Variants in ZNF407 observed in about 807,000 individuals in gnomAD.
ZNF407 encodes the protein zinc finger protein 407.
Under a neutral mutation model 131.2 loss-of-function variants are expected in ZNF407, and 17 were observed. That is an observed-to-expected ratio of 0.13 (90% CI 0.09 to 0.19). ZNF407 has a LOEUF of 0.19. Among genes scored for constraint, ZNF407 ranks in the 10% least tolerant of loss-of-function variants. ZNF407 has a pLI of 1.00. For synonymous variants in ZNF407, 1,156 were observed against 1,062.0 expected (o/e 1.09, Z -1.72); for missense variants, 2,681 against 2,830.6 (o/e 0.95, Z 1.20).
chr18:74,955,404 G>A (rs1464777554), intron 8 of ZNF407, among the ~76,000 whole-genome samples: 1 of 152,146 alleles, frequency 6.6e-6, no homozygotes, highest in Non-Finnish European at 1.5e-5. Context: ...CAAAGGAAAA[G>A]TTGCAAACCC....
intron 8 of ZNF407, among the ~76,000 whole-genome samples, chr18:74,935,649 C>A (rs1193870210): frequency 6.6e-6 from 1 of 152,110 alleles, no homozygotes; most frequent in Non-Finnish European, 1.5e-5. Context: ...ATCTGAATTG[C>A]ATGAAGGCAA....
chr18:74,825,361 G>A (rs908753568), intron 4 of ZNF407, among the ~76,000 whole-genome samples: 1 of 152,092 alleles, frequency 6.6e-6, no homozygotes, highest in Non-Finnish European at 1.5e-5. Flanking sequence ...GCAAGGGAAA[G>A]AAATAAAGTG....
chr18:74,739,891 TTTA>T (rs1358300534), intron 3 of ZNF407, among the ~76,000 whole-genome samples: 1 of 152,192 alleles, frequency 6.6e-6, no homozygotes, highest in Non-Finnish European at 1.5e-5. Context: ...TAAATGGAAC[TTTA>T]TTATTGTTAT....
intron 8 of ZNF407, among the ~76,000 whole-genome samples, chr18:74,961,863 T>C (rs1234701518): frequency 6.7e-6 from 1 of 149,042 alleles, no homozygotes; most frequent in Non-Finnish European, 1.5e-5. Context: ...TCTTCCCAAG[T>C]CTGTAGTGCT....
chr18:74,637,703 A>G (rs1227451489), intron 2 of ZNF407, among the ~76,000 whole-genome samples: 1 of 152,114 alleles, frequency 6.6e-6, no homozygotes, highest in African/African-American at 2.4e-5. Context: ...TGCTTTTCAC[A>G]TACTTTGCTT....
At chr18:74,866,562 A>G (rs1971013451) in intron 4 of ZNF407, among the ~76,000 whole-genome samples, 3 of 152,186 alleles carry the variant, frequency 2.0e-5, no homozygotes, top group Non-Finnish European at 2.9e-5. Context: ...TTATGTATCC[A>G]TAATAGATAC....
chr18:74,698,676 C>T (rs1441118958), intron 3 of ZNF407, among the ~76,000 whole-genome samples: 1 of 152,116 alleles, frequency 6.6e-6, no homozygotes, highest in African/African-American at 2.4e-5. Flanking sequence ...GGGCCTTTAC[C>T]CTCAAGAACA....
At chr18:74,869,918 A>C (rs1599209687) in intron 4 of ZNF407, among the ~76,000 whole-genome samples, 1 of 152,234 alleles carries the variant, frequency 6.6e-6, no homozygotes. Flanking sequence ...TATTGGATGC[A>C]TAGTGTGTGG....
intron 8 of ZNF407, among the ~76,000 whole-genome samples, chr18:75,041,422 G>A (rs578014989): frequency 3.9e-5 from 6 of 151,934 alleles, no homozygotes; most frequent in East Asian, 1.9e-4. Context: ...TGCACTTTCC[G>A]TCTCTTCTTA....
intron 6 of ZNF407, among the ~76,000 whole-genome samples, chr18:74,889,394 T>G (rs1296487727): frequency 6.6e-6 from 1 of 152,182 alleles, no homozygotes; most frequent in Non-Finnish European, 1.5e-5. Flanking sequence ...TTTCTTTGGG[T>G]CCTCTTTTTA....
intron 3 of ZNF407, among the ~76,000 whole-genome samples, chr18:74,693,293 T>TGTTA (rs1291852293): frequency 6.6e-6 from 1 of 152,254 alleles, no homozygotes; most frequent in Non-Finnish European, 1.5e-5. Context: ...TCTTTCTCAT[T>TGTTA]GTTAGCATGG....
chr18:74,858,334 T>G (rs1228459311), intron 4 of ZNF407, among the ~76,000 whole-genome samples: 1 of 152,172 alleles, frequency 6.6e-6, no homozygotes, highest in East Asian at 1.9e-4. Context: ...TAACCTCCTC[T>G]TACTTATTGT....
At chr18:74,996,890 CAT>C (rs1490880951) in intron 8 of ZNF407, among the ~76,000 whole-genome samples, 3 of 152,164 alleles carry the variant, frequency 2.0e-5, no homozygotes, top group Non-Finnish European at 4.4e-5. Context: ...CTTTCAGTAA[CAT>C]ATCTCTTGTG....
intron 4 of ZNF407, among the ~76,000 whole-genome samples, chr18:74,790,823 G>A (rs924242289): frequency 2.0e-5 from 3 of 152,178 alleles, no homozygotes; most frequent in African/African-American, 7.2e-5. Flanking sequence ...GAATTTTCAG[G>A]AAAGAGAATC....
rs1383752386 is a variant in ZNF407, at chr18:74,854,268, A to C, written c.4878-22929A>C. 2.0e-5 allele frequency among the ~76,000 whole-genome samples: 3 copies of C among 152,300 alleles called. No homozygotes were observed. In the South Asian group the frequency reaches 6.2e-4, roughly 32 times the overall value. On this transcript the variant is annotated intron_variant, in intron 4 of 8. Coordinates refer to ENST00000299687, the MANE Select transcript of ZNF407 (RefSeq NM_017757.3). ...CCTAAATTTTGTTTCCTTAGTTGTTAAATTAGTGTGTTAGATAATTTGTAA... is the reference window on the plus strand; with the variant it reads ...CCTAAATTTTGTTTCCTTAGTTGTTCAATTAGTGTGTTAGATAATTTGTAA...
chr18:74,632,786 T>C lies in ZNF407; in HGVS notation c.1767T>C (p.Ser589=). 6.2e-7 allele frequency: 1 copy of C among 1,613,968 alleles called. No homozygotes were observed. Among genetic ancestry groups the C allele is most frequent in the Non-Finnish European group, 8.5e-7 (1 of 1,179,878 alleles). ...ATCAGCAAACTGCTTCTGTCCTGAG[T>C]TGTCAGTGTTGTTCATTTATATCCT... ...NQHQQTASVL[S]CQCCSFISLD... is the part of the protein sequence containing the mutation. Residue 589 remains serine, a synonymous_variant, in exon 2 of 9, where the codon AGT becomes AGC. Coordinates refer to ENST00000299687, the MANE Select transcript of ZNF407 (RefSeq NM_017757.3).
chr18:74,682,151 A>G (rs1268371584), intron 3 of ZNF407, among the ~76,000 whole-genome samples: 1 of 152,250 alleles, frequency 6.6e-6, no homozygotes, highest in Non-Finnish European at 1.5e-5. Context: ...AAAGATGGAA[A>G]GGGGACAGTA....
In ZNF407 at chr18:75,064,388, G is replaced by C; in HGVS notation, c.6667G>C (p.Val2223Leu). 6.4e-7 allele frequency: 1 copy of C among 1,568,784 alleles called. No homozygotes were observed. Among genetic ancestry groups the C allele is most frequent in the South Asian group, 1.2e-5 (1 of 85,228 alleles). The change falls in exon 9 of 9, where the codon GTC becomes CTC. Residue 2223 changes from valine (V) to leucine (L), a missense_variant. Around this residue, in one of 6 missense-constraint regions of ZNF407, gnomAD observed 620 missense variants for 583.1 expected, o/e 1.06. Coordinates refer to ENST00000299687, the MANE Select transcript of ZNF407 (RefSeq NM_017757.3). Reference protein sequence around the residue: ...PSRAEQLASVVIYTQEGSSAA... With the variant: ...PSRAEQLASVLIYTQEGSSAA... ...CAGGGCAGAGCAGCTGGCCAGCGTG[G>C]TCATCTACACCCAGGAGGGCTCCTC...
At chr18:74,721,126 G>A (rs1345063941) in intron 3 of ZNF407, among the ~76,000 whole-genome samples, 1 of 151,984 alleles carries the variant, frequency 6.6e-6, no homozygotes, top group Non-Finnish European at 1.5e-5. Context: ...TTTATGAACA[G>A]GAGATGTCTT....
Sources: gnomAD v4.1 joint callset for allele counts (sites outside exome capture counted in the v4.1 genomes callset) on GRCh38, gnomAD v4.1.1 for gene constraint, gnomAD v4.1.1 regional missense constraint, MANE v1.5 for transcripts, NCBI Gene and HGNC (gene_info 2026-07-23, HGNC 2026-07-21) for gene names.